The following VIT variants were observed in gnomAD, a reference collection of about 807,000 sequenced individuals.
VIT encodes the protein vitrin.
In VIT, 99 loss-of-function variants were observed where a neutral mutation model predicts 78.0. The observed-to-expected ratio is 1.27, with a 90% CI of 1.08 to 1.50. The LOEUF (loss-of-function observed/expected upper bound fraction) is 1.50, where lower values mean the gene tolerates loss of function less well. Among genes scored for constraint, VIT ranks in the 40% most tolerant of loss-of-function variants. The pLI is 0.00. For missense variants in VIT, 1,126 were observed against 875.3 expected (o/e 1.29, Z -3.61); for synonymous variants, 374 against 334.3 (o/e 1.12, Z -1.29).
intron 12 of VIT, among the ~76,000 whole-genome samples, chr2:36,792,533 C>A (rs1480352204): frequency 6.6e-6 from 1 of 152,126 alleles, no homozygotes; most frequent in East Asian, 1.9e-4. Flanking sequence ...AGATCAGTCT[C>A]CCCGCAGAGA....
rs6544031 is a variant in VIT, at chr2:36,753,148, C to A, written c.276-1773C>A. ...GCATGTTCTCACTTATACGTGGGAG[C>A]TGCTGATGAGAACACACGGAAACAT... On this transcript the variant is annotated intron_variant, in intron 4 of 15. Transcript: ENST00000379242. 7.7e-3 allele frequency among the ~76,000 whole-genome samples: 1,172 copies of A among 151,314 alleles called. 16 individuals are homozygous for A. Among genetic ancestry groups the A allele is most frequent in the African/African-American group, 0.027 (1,117 of 41,128 alleles).
At chr2:36,725,602 T>TGGGGGGG (rs112932967) in intron 2 of VIT, among the ~76,000 whole-genome samples, 33 of 48,846 alleles carry the variant, frequency 6.8e-4, no homozygotes, top group East Asian at 1.4e-3. Flanking sequence ...AGTTGAGGGG[T>TGGGGGGG]GGGGGGGGGG....
At chr2:36,704,435 G>A (rs999977769) in intron 1 of VIT, among the ~76,000 whole-genome samples, 1 of 152,088 alleles carries the variant, frequency 6.6e-6, no homozygotes, top group African/African-American at 2.4e-5. Flanking sequence ...AAGAGCAAAG[G>A]GATCAATCCC....
At chr2:36,776,945 C>T (rs1385070940) in intron 9 of VIT, among the ~76,000 whole-genome samples, 6 of 149,806 alleles carry the variant, frequency 4.0e-5, no homozygotes, top group East Asian at 2.0e-4. Context: ...AAAAATTAGC[C>T]AGGCGTGGTG....
intron 2 of VIT, among the ~76,000 whole-genome samples, chr2:36,722,255 C>T (rs1185576992): frequency 1.3e-5 from 2 of 152,000 alleles, no homozygotes; most frequent in Non-Finnish European, 2.9e-5. Flanking sequence ...TGACAGGGAG[C>T]AAGTGGAGTA....
At chr2:36,737,469 T>A (rs544292490) in intron 3 of VIT, among the ~76,000 whole-genome samples, 25 of 152,350 alleles carry the variant, frequency 1.6e-4, no homozygotes, top group Admixed American at 1.4e-3. Context: ...CCACAGGCAG[T>A]AGAGCTACAT....
chr2:36,752,584 T>A (rs1668528899), intron 4 of VIT, among the ~76,000 whole-genome samples: 1 of 152,234 alleles, frequency 6.6e-6, no homozygotes, highest in African/African-American at 2.4e-5. Context: ...GGTATTTACA[T>A]AAATTCTCCA....
chr2:36,700,094 A>T (rs367588077), intron 1 of VIT, among the ~76,000 whole-genome samples: 1 of 152,198 alleles, frequency 6.6e-6, no homozygotes, highest in Non-Finnish European at 1.5e-5. Context: ...ATAATCTTCA[A>T]ACTTTTACAC....
At chr2:36,808,320 G>A in intron 14 of VIT, 152 bp from the exon 15 acceptor site, 1 of 1,143,986 alleles carries the variant, frequency 8.7e-7, no homozygotes, top group Non-Finnish European at 1.2e-6. Context: ...AGTGGCCGCT[G>A]GGTGAACCGA....
intron 2 of VIT, among the ~76,000 whole-genome samples, chr2:36,721,100 C>A (rs1008318795): frequency 1.3e-5 from 2 of 151,826 alleles, no homozygotes; most frequent in Admixed American, 1.3e-4. Context: ...CTTATAAAAC[C>A]GCATTGTTTA....
chr2:36,779,074 A>T (rs976349887), intron 9 of VIT, among the ~76,000 whole-genome samples: 1 of 152,238 alleles, frequency 6.6e-6, no homozygotes, highest in African/African-American at 2.4e-5. Flanking sequence ...AGGAGCAGGC[A>T]TGCTTCTGGG....
chr2:36,726,765 G>A (rs1009059508), intron 2 of VIT, among the ~76,000 whole-genome samples: 1 of 147,254 alleles, frequency 6.8e-6, no homozygotes, highest in African/African-American at 2.5e-5. Flanking sequence ...TTTGCAGTGG[G>A]CCGAAATCAC....
chr2:36,705,249 C>T (rs12995378), intron 1 of VIT, among the ~76,000 whole-genome samples: 1,733 of 152,226 alleles, frequency 0.011, 22 homozygotes, highest in Non-Finnish European at 0.015. Flanking sequence ...TACTGATCTT[C>T]GTGCCCCTTT....
chr2:36,791,932 C>T (rs1295028110), intron 12 of VIT, among the ~76,000 whole-genome samples: 1 of 151,484 alleles, frequency 6.6e-6, no homozygotes, highest in Non-Finnish European at 1.5e-5. Context: ...TCTGAGTCTG[C>T]AGCCAAAAAA....
chr2:36,776,909 G>A (rs549154607), intron 9 of VIT, among the ~76,000 whole-genome samples: 3 of 151,158 alleles, frequency 2.0e-5, no homozygotes, highest in South Asian at 4.3e-4. Context: ...CTAACACGGT[G>A]AAACTCCGTC....
chr2:36,787,096 A>G (rs942202491), intron 11 of VIT, 33 bp from the exon 12 acceptor site: 10 of 1,612,622 alleles, frequency 6.2e-6, no homozygotes, highest in African/African-American at 2.7e-5. Context: ...GTGAGAGATC[A>G]TGAGAATAAT....
At chr2:36,720,295 A>G (rs1289315996) in intron 2 of VIT, among the ~76,000 whole-genome samples, 1 of 152,250 alleles carries the variant, frequency 6.6e-6, no homozygotes, top group African/African-American at 2.4e-5. Flanking sequence ...AACCAGACAT[A>G]TAAACCCATG....
intron 12 of VIT, 114 bp downstream of exon 12, chr2:36,787,390 T>C (rs1665179715): frequency 3.7e-6 from 5 of 1,364,020 alleles, no homozygotes; most frequent in Non-Finnish European, 2.9e-6. Context: ...TGAGCACAGA[T>C]TTGTTCTCTT....
Position 36,808,621 on chromosome 2 carries a change from C to A in VIT, c.1539C>A (p.Phe513Leu), listed in dbSNP as rs770064023. 4 of 1,614,230 alleles carry A rather than the reference C, an allele frequency of 2.5e-6. No individual in the cohort carries two copies. The highest frequency in any genetic ancestry group is 3.4e-6 in the Non-Finnish European group (4 of 1,180,040). ...GCTTGAACTCGGCTGACATTGGCTT[C>A]GTCATCGACGGCTCCAGCAGTGTGG... ...KTCLNSADIGFVIDGSSSVGT... is the reference protein window; with the variant it reads ...KTCLNSADIGLVIDGSSSVGT... The change falls in exon 15 of 16, where the codon TTC becomes TTA. Residue 513 changes from phenylalanine to leucine, a missense_variant. Coordinates refer to ENST00000379242, the MANE Select transcript of VIT (RefSeq NM_053276.4).
Sources: allele counts gnomAD v4.1 joint callset (sites outside exome capture counted in the v4.1 genomes callset), GRCh38; gene constraint gnomAD v4.1.1; transcripts MANE v1.5; gene names NCBI Gene and HGNC (gene_info 2026-07-23, HGNC 2026-07-21).